The following ATF3 variants were observed in gnomAD, a reference collection of about 807,000 sequenced individuals.
ATF3 encodes the protein cyclic AMP-dependent transcription factor ATF-3.
Under a neutral mutation model 18.4 loss-of-function variants are expected in ATF3, and 10 were observed. The ratio of observed to expected loss-of-function variants is 0.54; its 90% CI spans 0.34 to 0.92. ATF3 has a LOEUF of 0.92. ATF3 is among the 40% of genes least tolerant of loss of function. The pLI is 0.02. For synonymous variants in ATF3, 78 were observed against 87.9 expected (o/e 0.89, Z 0.63); for missense variants, 183 against 222.3 (o/e 0.82, Z 1.12).
intron 1 of ATF3, among the ~76,000 whole-genome samples, chr1:212,589,897 A>T (rs139788812): frequency 1.3e-5 from 2 of 151,730 alleles, no homozygotes; most frequent in Non-Finnish European, 2.9e-5. Flanking sequence ...AGTGGATATC[A>T]GGATTGTTAT....
rs1571797920 is a variant in ATF3, at chr1:212,618,375, C to G, written c.348+141C>G. 1 of 853,882 alleles carries G rather than the reference C, an allele frequency of 1.2e-6. No homozygotes were observed. Among genetic ancestry groups the G allele is most frequent in the Non-Finnish European group, 2.0e-6 (1 of 499,114 alleles). The allele number at this position is 853,882 out of a possible 1,614,324, so 52.9% of individuals were successfully genotyped here. Reference sequence around the variant, plus strand: ...GGCCTTGTAGCTGGTAGCAGAAATGCCAGTTGCAGAATGAGGAGGTGGCAA... The same window carrying G: ...GGCCTTGTAGCTGGTAGCAGAAATGGCAGTTGCAGAATGAGGAGGTGGCAA... On this transcript the variant is annotated intron_variant, in intron 3 of 3. Transcript: ENST00000341491. This position sits in a 1 kb window ranked among gnomAD's most constrained non-coding sequence, Gnocchi z 4.4.
intron 1 of ATF3, among the ~76,000 whole-genome samples, chr1:212,591,601 G>A (rs1421950193): frequency 1.3e-5 from 2 of 152,262 alleles, no homozygotes; most frequent in East Asian, 1.9e-4. Context: ...ACGTTTGTGG[G>A]CAGATTTGCA....
chr1:212,587,550 C>T (rs1664801895), intron 1 of ATF3, among the ~76,000 whole-genome samples: 1 of 152,170 alleles, frequency 6.6e-6, no homozygotes, highest in Admixed American at 6.5e-5. Context: ...GGGAAGCTGC[C>T]ATTGGTCAAG....
upstream of ATF3, chr1:212,608,480 T>C (rs1006308929): frequency 6.5e-6 from 1 of 152,718 alleles, no homozygotes; most frequent in Non-Finnish European, 1.5e-5. Flanking sequence ...GGTCCTGATA[T>C]GGAGAGAGAG....
rs575521061 is a variant in ATF3, at chr1:212,620,111, T to A, written c.*556T>A. The A allele has an allele frequency of 6.2e-6, 1 of 161,308 alleles. No homozygotes were observed. Among genetic ancestry groups the A allele is most frequent in the African/African-American group, 2.4e-5 (1 of 41,728 alleles). 10.0% of individuals were successfully genotyped at this position (161,308 alleles called of 1,614,324 possible). Reference sequence around the variant, plus strand: ...CGATGTTTGTGTCACACAACACTGATGTGACTTTTATATGCTTTTTCTCAG... The same window carrying A: ...CGATGTTTGTGTCACACAACACTGAAGTGACTTTTATATGCTTTTTCTCAG... On this transcript the variant is annotated 3_prime_UTR_variant, in exon 4 of 4. Coordinates refer to ENST00000341491, the MANE Select transcript of ATF3 (RefSeq NM_001674.4).
chr1:212,609,431 C>T (rs2102649224), intron 1 of ATF3, among the ~76,000 whole-genome samples: 1 of 152,206 alleles, frequency 6.6e-6, no homozygotes, highest in Non-Finnish European at 1.5e-5. Flanking sequence ...GAGGGCTGCC[C>T]CACGCGCCGA....
intron 1 of ATF3, among the ~76,000 whole-genome samples, chr1:212,595,906 T>C (rs1664983598): frequency 6.6e-6 from 1 of 152,186 alleles, no homozygotes; most frequent in Non-Finnish European, 1.5e-5. Flanking sequence ...TTTTGAAAGA[T>C]ATAATGAAAC....
intron 1 of ATF3, among the ~76,000 whole-genome samples, chr1:212,573,251 GA>G: frequency 6.6e-6 from 1 of 152,086 alleles, no homozygotes; most frequent in South Asian, 2.1e-4. Flanking sequence ...TTGACTGTTT[GA>G]AATAAACACT....
chr1:212,568,074 T>A (rs1018767134), intron 1 of ATF3, among the ~76,000 whole-genome samples: 2 of 152,190 alleles, frequency 1.3e-5, no homozygotes, highest in Non-Finnish European at 2.9e-5. Flanking sequence ...AGCCTGCACA[T>A]AGAAGGTGCT....
In ATF3 at chr1:212,618,740, C is replaced by T. The variant is rs1164556313; in HGVS notation, c.348+506C>T. ...CTTAGCCAGTAAGCTGAGCCCCTGGCTGCGTTCAGCCGGCCCGCCTGAGAG... is the reference window on the plus strand; with the variant it reads ...CTTAGCCAGTAAGCTGAGCCCCTGGTTGCGTTCAGCCGGCCCGCCTGAGAG... On this transcript the variant is annotated intron_variant, in intron 3 of 3. Transcript: ENST00000341491. This position sits in a 1 kb window ranked among gnomAD's most constrained non-coding sequence, Gnocchi z 4.4. 4.0e-6 allele frequency: 2 copies of T among 495,276 alleles called. No homozygotes were observed. Among genetic ancestry groups the T allele is most frequent in the African/African-American group, 1.9e-5 (1 of 51,580 alleles). The allele number at this position is 495,276 out of a possible 1,614,324, so 30.7% of individuals were successfully genotyped here. A position where few individuals can be genotyped will look rare whatever the true frequency, so the allele number is the denominator to read the frequency against.
intron 1 of ATF3, among the ~76,000 whole-genome samples, chr1:212,600,160 T>C (rs1654441373): frequency 6.6e-6 from 1 of 152,204 alleles, no homozygotes; most frequent in African/African-American, 2.4e-5. Flanking sequence ...CTGACCAGTG[T>C]TGCAGCCTCC....
At chr1:212,603,175 T>C (rs1654530847) in intron 1 of ATF3, among the ~76,000 whole-genome samples, 1 of 152,190 alleles carries the variant, frequency 6.6e-6, no homozygotes, top group African/African-American at 2.4e-5. Context: ...GTCACCAAAC[T>C]GGCATAGAGA....
At chr1:212,600,125 T>G (rs1654440675) in intron 1 of ATF3, among the ~76,000 whole-genome samples, 1 of 152,236 alleles carries the variant, frequency 6.6e-6, no homozygotes, top group South Asian at 2.1e-4. Flanking sequence ...ATCTTCACAG[T>G]TCATCTGGCC....
intron 1 of ATF3, chr1:212,565,495 C>T (rs1258541886): frequency 1.3e-5 from 2 of 152,166 alleles, no homozygotes; most frequent in Non-Finnish European, 2.9e-5. Context: ...TGAGTCTTGA[C>T]TTTTTCTCTG....
intron 1 of ATF3, among the ~76,000 whole-genome samples, chr1:212,591,287 T>C (rs4951623): frequency 0.27 from 41,370 of 152,114 alleles, 6,258 homozygotes; most frequent in African/African-American, 0.41. Flanking sequence ...TGACTGTTCT[T>C]GCCAGCCTGT....
intron 2 of ATF3, among the ~76,000 whole-genome samples, chr1:212,616,146 G>T (rs1321158301): frequency 6.6e-6 from 1 of 152,016 alleles, no homozygotes; most frequent in Non-Finnish European, 1.5e-5. Flanking sequence ...GAGTATAGGG[G>T]TGGGAGATAA....
chr1:212,608,479 A>T (rs187898102), upstream of ATF3: 1 of 152,744 alleles, frequency 6.5e-6, no homozygotes, highest in Non-Finnish European at 1.5e-5. Flanking sequence ...CGGTCCTGAT[A>T]TGGAGAGAGA....
intron 1 of ATF3, among the ~76,000 whole-genome samples, chr1:212,582,769 A>T (rs1664707670): frequency 6.6e-6 from 1 of 152,156 alleles, no homozygotes; most frequent in Non-Finnish European, 1.5e-5. Flanking sequence ...TGAGACCTGC[A>T]CTTAGGAGAA....
At chr1:212,583,865 G>A (rs1664730403) in intron 1 of ATF3, among the ~76,000 whole-genome samples, 1 of 152,144 alleles carries the variant, frequency 6.6e-6, no homozygotes, top group Non-Finnish European at 1.5e-5. Context: ...CTACCATGTG[G>A]CATTGTTGTA....
Sources: gnomAD v4.1 joint callset for allele counts (sites outside exome capture counted in the v4.1 genomes callset) on GRCh38, gnomAD v4.1.1 for gene constraint, Gnocchi (gnomAD v3.1) non-coding constraint, MANE v1.5 for transcripts, NCBI Gene and HGNC (gene_info 2026-07-23, HGNC 2026-07-21) for gene names.